BRF1: variants seen among roughly 807,000 people sequenced by gnomAD.
BRF1 encodes the protein transcription factor IIIB 90 kDa subunit.
A neutral mutation model predicts 81.7 loss-of-function variants in BRF1; 59 were observed. The ratio of observed to expected loss-of-function variants is 0.72; its 90% CI spans 0.59 to 0.90. The LOEUF (loss-of-function observed/expected upper bound fraction) is 0.90. BRF1 is among the 40% of genes least tolerant of loss of function. The pLI, the probability that BRF1 is intolerant of heterozygous loss-of-function variation, is 0.00. For synonymous variants in BRF1, 491 were observed against 395.6 expected, an observed-to-expected ratio of 1.24 and a Z score of -2.86; for missense variants, 1,050 against 936.3, an observed-to-expected ratio of 1.12 and a Z score of -1.58.
At chr14:105,220,757 C>T (rs915700695) in intron 11 of BRF1, among the ~76,000 whole-genome samples, 1 of 152,252 alleles carries the variant, frequency 6.6e-6, no homozygotes, top group Non-Finnish European at 1.5e-5. Context: ...GCCAAGTCAA[C>T]TCCAGCACAG....
At chr14:105,214,205 C>A (rs1682846375) in intron 15 of BRF1, among the ~76,000 whole-genome samples, 1 of 152,212 alleles carries the variant, frequency 6.6e-6, no homozygotes, top group Admixed American at 6.5e-5. Flanking sequence ...ATCTGGTGGG[C>A]CCCCACTTTG....
chr14:105,271,462 G>A lies in BRF1; in HGVS notation c.439+1259C>T, dbSNP rs148376713. Among the ~76,000 whole-genome samples the A allele has an allele frequency of 9.6e-4, 146 of 152,336 alleles. No individual in the cohort carries two copies. Among genetic ancestry groups the A allele is most frequent in the African/African-American group, 3.4e-3 (141 of 41,574 alleles). On this transcript the variant is annotated intron_variant, in intron 3 of 17. Coordinates refer to ENST00000547530, the MANE Select transcript of BRF1 (RefSeq NM_001519.4). The surrounding 1 kb of genome is among the most constrained non-coding windows in gnomAD (Gnocchi z 5.5). The stretch of plus-strand genomic sequence containing the variant: ...GGGAGGCAGACATGTGGCCGGGCAC[G>A]CCACGCCCACCAGACACAGGGCAGG...
intron 5 of BRF1, chr14:105,249,628 T>G (rs1389367343): frequency 6.3e-7 from 1 of 1,598,790 alleles, no homozygotes; most frequent in Non-Finnish European, 8.5e-7. Flanking sequence ...ACGCGGGCCC[T>G]GCCTCGCCTA....
At chr14:105,211,371 G>C in intron 16 of BRF1, 78 bp from the exon 17 acceptor site, 3 of 1,344,880 alleles carry the variant, frequency 2.2e-6, no homozygotes, top group Non-Finnish European at 2.9e-6. Flanking sequence ...ACCCACCAGG[G>C]CTGGCCCAGG....
At chr14:105,229,587 C>G (rs1002625111) in intron 6 of BRF1, among the ~76,000 whole-genome samples, 1 of 152,244 alleles carries the variant, frequency 6.6e-6, no homozygotes, top group African/African-American at 2.4e-5. Flanking sequence ...GTCTGAGTGA[C>G]AGCTGCGACC....
At chr14:105,291,038 T>G (rs1255119286) in intron 1 of BRF1, among the ~76,000 whole-genome samples, 2 of 152,134 alleles carry the variant, frequency 1.3e-5, no homozygotes, top group African/African-American at 2.4e-5. Context: ...TAAAAACATT[T>G]GGTATTTTCC....
chr14:105,249,196 G>A, intron 5 of BRF1: 1 of 1,588,852 alleles, frequency 6.3e-7, no homozygotes, highest in South Asian at 1.1e-5. Context: ...TGGCCGACGT[G>A]CACTTCGTCG....
intron 11 of BRF1, 82 bp from the exon 12 acceptor site, chr14:105,220,212 C>T (rs1031766630): frequency 1.3e-6 from 2 of 1,541,230 alleles, no homozygotes; most frequent in Non-Finnish European, 1.8e-6. Flanking sequence ...TGGCTCAGGA[C>T]CCTGGGTCTG....
Position 105,228,775 on chromosome 14 carries a change from T to C in BRF1, c.788+45A>G, listed in dbSNP as rs753659628. ...GGCAAGCAGGCCTGAGCTGGACTGA[T>C]GAAGCCTCTGTGTGGTCCCCATGCC... On this transcript the variant is annotated intron_variant, in intron 7 of 17. Transcript: ENST00000547530. 3.1e-6 allele frequency: 5 copies of C among 1,606,288 alleles called. No individual in the cohort carries two copies. In the South Asian group the frequency reaches 3.3e-5, roughly 11 times the overall value.
chr14:105,216,346 C>T (rs1360923980), intron 15 of BRF1, among the ~76,000 whole-genome samples: 1 of 152,196 alleles, frequency 6.6e-6, no homozygotes, highest in Non-Finnish European at 1.5e-5. Flanking sequence ...AGCCTCAGAT[C>T]GGACCTGGGA....
At position 105,209,812 on chromosome 14, in the gene BRF1, C is replaced by A; in HGVS notation, c.*739G>T. 1.9e-6 allele frequency: 1 copy of A among 513,608 alleles called. No individual in the cohort carries two copies. Among genetic ancestry groups the A allele is most frequent in the Non-Finnish European group, 3.4e-6 (1 of 292,672 alleles). 31.8% of individuals were successfully genotyped at this position (513,608 alleles called of 1,614,324 possible). On this transcript the variant is annotated 3_prime_UTR_variant, in exon 18 of 18. Transcript: ENST00000547530. Reference sequence around the variant, plus strand: ...GGTCTCAGCTGTCGGGCACTCAGTTCACCTGCCGGCAGCCGCAGGGCTCCT... The same window carrying A: ...GGTCTCAGCTGTCGGGCACTCAGTTAACCTGCCGGCAGCCGCAGGGCTCCT...
chr14:105,250,879 G>A lies in BRF1; in HGVS notation c.544+1628C>T, dbSNP rs77631464. ...GCATCTCTGGTACAGTGGGGTGCAC[G>A]TCTCAGGTGGAGGAAGATTTACGGC... is the stretch of plus-strand genomic sequence containing the variant. On this transcript the variant is annotated intron_variant, in intron 5 of 17. Transcript: ENST00000547530. The A allele has an allele frequency of 6.2e-3, 3,720 of 604,104 alleles. 123 individuals carry two copies. In the African/African-American group the frequency reaches 0.063, roughly 10 times the overall value. 37.4% of individuals were successfully genotyped at this position (604,104 alleles called of 1,614,324 possible). A position where few individuals can be genotyped will look rare whatever the true frequency, so the allele number is the denominator to read the frequency against.
chr14:105,280,822 T>C (rs2057047919), intron 2 of BRF1, among the ~76,000 whole-genome samples: 1 of 148,804 alleles, frequency 6.7e-6, no homozygotes, highest in Admixed American at 6.7e-5. Flanking sequence ...TGAGCCCAGG[T>C]GTGCAGGTGG....
intron 4 of BRF1, 24 bp from the exon 5 acceptor site, chr14:105,252,603 G>C (rs754572788): frequency 6.2e-7 from 1 of 1,606,698 alleles, no homozygotes; most frequent in Admixed American, 1.7e-5. Context: ...ATCACAACCA[G>C]AAACAGCATT....
intron 5 of BRF1, chr14:105,247,141 G>A: frequency 2.0e-6 from 2 of 985,480 alleles, no homozygotes; most frequent in Non-Finnish European, 2.4e-6. Context: ...TTGCCAGTGG[G>A]GTCCCACACT....
At chr14:105,228,529 G>C (rs1306352715) in intron 7 of BRF1, among the ~76,000 whole-genome samples, 2 of 148,656 alleles carry the variant, frequency 1.3e-5, no homozygotes, top group East Asian at 1.9e-4. Context: ...AAGCGACAGA[G>C]CAAGGCTGTT....
intron 3 of BRF1, among the ~76,000 whole-genome samples, chr14:105,260,765 T>C (rs1194878691): frequency 1.3e-5 from 2 of 152,264 alleles, no homozygotes; most frequent in African/African-American, 2.4e-5. Context: ...GAATTACTGC[T>C]TTCCTTGAAA....
At chr14:105,285,766 T>C (rs947572083) in intron 2 of BRF1, among the ~76,000 whole-genome samples, 5 of 152,182 alleles carry the variant, frequency 3.3e-5, no homozygotes, top group African/African-American at 9.7e-5. Flanking sequence ...AAATGTCCTA[T>C]AAATCACACA....
intron 1 of BRF1, among the ~76,000 whole-genome samples, chr14:105,299,185 A>G (rs72711563): frequency 0.032 from 4,943 of 152,210 alleles, 144 homozygotes; most frequent in African/African-American, 0.075. Context: ...AAGAAAAAAA[A>G]CTTCTGCTTT....
Sources: gnomAD v4.1 joint callset for allele counts (sites outside exome capture counted in the v4.1 genomes callset) on GRCh38, gnomAD v4.1.1 for gene constraint, Gnocchi (gnomAD v3.1) non-coding constraint, MANE v1.5 for transcripts, NCBI Gene and HGNC (gene_info 2026-07-23, HGNC 2026-07-21) for gene names.